The following KIAA1671 variants were observed in gnomAD, a reference collection of about 807,000 sequenced individuals.
KIAA1671 encodes uncharacterized protein KIAA1671.
In KIAA1671, 52 loss-of-function variants were observed where a neutral mutation model predicts 131.2. The observed-to-expected ratio is 0.40, with a 90% CI of 0.32 to 0.50. KIAA1671 has a LOEUF of 0.50. Among genes scored for constraint, KIAA1671 ranks in the 20% least tolerant of loss-of-function variants. KIAA1671 has a pLI of 0.73. For synonymous variants in KIAA1671, 1,003 were observed against 961.6 expected, an observed-to-expected ratio of 1.04 and a Z score of -0.80; for missense variants, 2,360 against 2,364.2, an observed-to-expected ratio of 1.00 and a Z score of 0.04.
chr22:25,076,762 A>G (rs1284227937), intron 6 of KIAA1671, among the ~76,000 whole-genome samples: 1 of 152,224 alleles, frequency 6.6e-6, no homozygotes, highest in Non-Finnish European at 1.5e-5. Context: ...GATATAAGCA[A>G]TAGTCATATG....
intron 4 of KIAA1671, among the ~76,000 whole-genome samples, chr22:25,038,161 A>AATATT (rs1211059552): frequency 6.6e-6 from 1 of 152,028 alleles, no homozygotes; most frequent in African/African-American, 2.4e-5. Context: ...AAAGATTATT[A>AATATT]TTATTTTATT....
At position 24,955,076 on chromosome 22, in the gene KIAA1671, T is replaced by G. The variant is rs6004365; in HGVS notation, c.-208+2304T>G. Among the ~76,000 whole-genome samples, 668 of 152,206 alleles carry G rather than the reference T, an allele frequency of 4.4e-3. 4 individuals carry two copies. Among genetic ancestry groups the G allele is most frequent in the African/African-American group, 0.015 (640 of 41,496 alleles). ...GATTACAGGCATGAGCCACTGCGCC[T>G]GGCCGGGGCTGTTTTTTATTGAAGG... On this transcript the variant is annotated intron_variant, in intron 1 of 12. Coordinates refer to ENST00000358431, the MANE Select transcript of KIAA1671 (RefSeq NM_001145206.2).
chr22:25,118,700 C>G (rs182348743), intron 6 of KIAA1671, among the ~76,000 whole-genome samples: 6 of 152,132 alleles, frequency 3.9e-5, no homozygotes, highest in African/African-American at 1.4e-4. Context: ...GAGATCAGGT[C>G]ATTCCCCTGC....
At chr22:25,060,872 T>G (rs1414131484) in intron 6 of KIAA1671, 2 of 152,244 alleles carry the variant, frequency 1.3e-5, no homozygotes, top group African/African-American at 4.8e-5. Context: ...GGGCCTCCAT[T>G]CTAAACCTGA....
Position 24,971,890 on chromosome 22 carries a change from G to A in KIAA1671, c.-208+19118G>A, listed in dbSNP as rs1922633537. Among the ~76,000 whole-genome samples, 4 of 152,104 alleles carry A rather than the reference G, an allele frequency of 2.6e-5. No homozygotes were observed. In the South Asian group the frequency reaches 8.3e-4, roughly 32 times the overall value. ...GGTTTCTTTAGCAGTGCTTCCAAAG[G>A]GAGCATGAACTTGGGGGTTTCATGT... On this transcript the variant is annotated intron_variant, in intron 1 of 12. Coordinates refer to ENST00000358431, the MANE Select transcript of KIAA1671 (RefSeq NM_001145206.2).
chr22:25,048,813 A>C (rs1927378810), intron 5 of KIAA1671, among the ~76,000 whole-genome samples: 1 of 152,148 alleles, frequency 6.6e-6, no homozygotes, highest in Non-Finnish European at 1.5e-5. Context: ...GCATTTATGG[A>C]GGGCTCCCCA....
At chr22:25,020,203 T>C (rs1925587276) in intron 1 of KIAA1671, among the ~76,000 whole-genome samples, 1 of 152,156 alleles carries the variant, frequency 6.6e-6, no homozygotes, top group South Asian at 2.1e-4. Flanking sequence ...ACTGGCTGTT[T>C]CTGGACCATA....
chr22:25,188,115 G>A (rs1016046817), intron 11 of KIAA1671, among the ~76,000 whole-genome samples: 1 of 152,090 alleles, frequency 6.6e-6, no homozygotes, highest in East Asian at 1.9e-4. Context: ...CCTGGCTAAC[G>A]CAGTGAAACC....
At chr22:25,151,427 CTCTTT>C (rs1933037697) in intron 6 of KIAA1671, among the ~76,000 whole-genome samples, 1 of 128,494 alleles carries the variant, frequency 7.8e-6, no homozygotes, top group African/African-American at 3.0e-5. Context: ...TCAACATGAA[CTCTTT>C]TTTTTTTTTT....
intron 1 of KIAA1671, among the ~76,000 whole-genome samples, chr22:24,963,437 TG>T (rs1922119715): frequency 6.7e-6 from 1 of 150,028 alleles, no homozygotes; most frequent in Non-Finnish European, 1.5e-5. Context: ...GAGAATCTGC[TG>T]GGTGTCACGG....
intron 6 of KIAA1671, among the ~76,000 whole-genome samples, chr22:25,148,174 C>T (rs939437445): frequency 2.2e-4 from 34 of 151,950 alleles, no homozygotes; most frequent in African/African-American, 6.8e-4. Context: ...CCAGCCCTGC[C>T]TCAGTCCCAG....
In KIAA1671 at chr22:25,104,453, G is replaced by A. The variant is rs113462665; in HGVS notation, c.4530+55089G>A. On this transcript the variant is annotated intron_variant, in intron 6 of 12. Coordinates refer to ENST00000358431, the MANE Select transcript of KIAA1671 (RefSeq NM_001145206.2). ...GGAGGTGGGAGAGGAGGGGAAGGCA[G>A]CTGTAGGCAGGGATGCCACATGTCC... is the stretch of plus-strand genomic sequence containing the variant. 3.1e-3 allele frequency among the ~76,000 whole-genome samples: 473 copies of A among 152,320 alleles called. 2 individuals carry two copies. Among genetic ancestry groups the A allele is most frequent in the African/African-American group, 0.011 (442 of 41,574 alleles).
At chr22:25,179,844 A>G (rs1195709003) in intron 9 of KIAA1671, among the ~76,000 whole-genome samples, 2 of 152,204 alleles carry the variant, frequency 1.3e-5, no homozygotes, top group Non-Finnish European at 2.9e-5. Context: ...AGATCAGTCC[A>G]TATATTATCA....
chr22:25,019,877 G>C (rs1364219260), intron 1 of KIAA1671, among the ~76,000 whole-genome samples: 2 of 152,146 alleles, frequency 1.3e-5, no homozygotes, highest in East Asian at 3.8e-4. Flanking sequence ...CTGGGAATTG[G>C]AGGTCTGCTC....
rs546623423 is a variant in KIAA1671 at position 25,131,919 on chromosome 22, C to T, written c.4531-38901C>T. ...ACCGCATAGAGTTGTAAGATTGACACGAGTTGATGGGTGTGAAACTCTTTA... is the reference window on the plus strand; with the variant it reads ...ACCGCATAGAGTTGTAAGATTGACATGAGTTGATGGGTGTGAAACTCTTTA... On this transcript the variant is annotated intron_variant, in intron 6 of 12. Coordinates refer to ENST00000358431, the MANE Select transcript of KIAA1671 (RefSeq NM_001145206.2). Among the ~76,000 whole-genome samples, 4 of 152,302 alleles carry T rather than the reference C, an allele frequency of 2.6e-5. No individual in the cohort carries two copies. The East Asian group carries it at 5.8e-4, about 22-fold the overall frequency.
Position 25,181,695 on chromosome 22 carries a change from A to G in KIAA1671, c.5075-4A>G, listed in dbSNP as rs886834338. 3 of 1,551,390 alleles carry G rather than the reference A, an allele frequency of 1.9e-6. No individual in the cohort carries two copies. The highest frequency in any genetic ancestry group is 2.6e-6 in the Non-Finnish European group (3 of 1,146,870). Reference sequence around the variant, plus strand: ...TGAATTCAGTGCCCTTTTCTTTGCAACAGAGGAGAAATCACCCAGGAAGGA... The same window carrying G: ...TGAATTCAGTGCCCTTTTCTTTGCAGCAGAGGAGAAATCACCCAGGAAGGA... On this transcript the variant is annotated splice_region_variant and splice_polypyrimidine_tract_variant and intron_variant, in intron 9 of 12. Transcript: ENST00000358431.
chr22:25,013,662 C>T (rs1222637488), intron 1 of KIAA1671: 7 of 152,230 alleles, frequency 4.6e-5, no homozygotes, highest in Non-Finnish European at 8.8e-5. Flanking sequence ...TTGAATTGAG[C>T]TTTGGGGTTG....
chr22:25,154,137 A>G (rs969049478), intron 6 of KIAA1671, among the ~76,000 whole-genome samples: 9 of 152,168 alleles, frequency 5.9e-5, no homozygotes, highest in East Asian at 3.9e-4. Flanking sequence ...AAGCCTGCCT[A>G]TGCAGTGGGT....
chr22:24,984,200 G>C lies in KIAA1671; in HGVS notation c.-208+31428G>C, dbSNP rs75179648. On this transcript the variant is annotated intron_variant, in intron 1 of 12. Transcript: ENST00000358431. ...GGCATGACAGTGACTGAGGGTACAT[G>C]CCTTAAGGGTTACCCCCAAGCACAC... Among the ~76,000 whole-genome samples the C allele has an allele frequency of 7.4e-3, 1,123 of 152,284 alleles. 15 individuals are homozygous for C. The highest frequency in any genetic ancestry group is 0.026 in the African/African-American group (1,069 of 41,546).
Sources: allele counts gnomAD v4.1 joint callset (sites outside exome capture counted in the v4.1 genomes callset), GRCh38; gene constraint gnomAD v4.1.1; transcripts MANE v1.5; gene names NCBI Gene and HGNC (gene_info 2026-07-23, HGNC 2026-07-21).